Variants in DIP2C observed in about 807,000 individuals in gnomAD.
The protein encoded by DIP2C is DIP2 acetate--CoA ligase C (putative).
Under a neutral mutation model 192.4 loss-of-function variants are expected in DIP2C, and 33 were observed. The ratio of observed to expected loss-of-function variants is 0.17; its 90% CI spans 0.13 to 0.23. The LOEUF (loss-of-function observed/expected upper bound fraction) is 0.23, where lower values mean the gene tolerates loss of function less well. DIP2C is among the 10% of genes least tolerant of loss of function. The probability of loss-of-function intolerance (pLI) is 1.00; values close to 1 mark genes in which losing one functional copy is unlikely to be tolerated. For missense variants in DIP2C, 1,537 were observed against 2,110.1 expected (o/e 0.73, Z 5.32); for synonymous variants, 979 against 864.1 (o/e 1.13, Z -2.33).
chr10:611,155 T>C (rs1853074151), intron 1 of DIP2C, among the ~76,000 whole-genome samples: 1 of 151,974 alleles, frequency 6.6e-6, no homozygotes, highest in Non-Finnish European at 1.5e-5. Context: ...TCATGATAGT[T>C]CTCATGAGAT....
At chr10:432,984 C>T (rs1409093997) in intron 4 of DIP2C, among the ~76,000 whole-genome samples, 2 of 152,120 alleles carry the variant, frequency 1.3e-5, no homozygotes, top group Non-Finnish European at 2.9e-5. Flanking sequence ...AGAACATACT[C>T]GTTTAATTCC....
chr10:638,393 C>T (rs1200825984), intron 1 of DIP2C, among the ~76,000 whole-genome samples: 1 of 152,144 alleles, frequency 6.6e-6, no homozygotes, highest in East Asian at 1.9e-4. Context: ...TAAAGTGGCT[C>T]CTTCGTGCTG....
At chr10:581,739 C>A (rs1039570262) in intron 1 of DIP2C, among the ~76,000 whole-genome samples, 3 of 152,072 alleles carry the variant, frequency 2.0e-5, no homozygotes, top group Admixed American at 1.3e-4. Context: ...CAGTTCTACC[C>A]GGTTCTGCCC....
At position 440,985 on chromosome 10, in the gene DIP2C, C is replaced by G; in HGVS notation, c.280G>C (p.Glu94Gln). The change falls in exon 4 of 37, where the codon GAA becomes CAA. Residue 94 changes from glutamate (E) to glutamine (Q), a missense_variant. Physicochemically the swap from Glu to Gln is conservative, Grantham distance 29. This residue lies in a region of DIP2C where 473 missense variants were observed against 539.6 expected (regional missense o/e 0.88). Transcript: ENST00000280886. ...TTGGCCAGAGCCGCCTGGACAGCTT[C>G]CGTGTGGACGTCTGAAACGGAGAGA... The part of the protein sequence containing the change: ...DERYRSDVHT[E>Q]AVQAALAKHK... The G allele has an allele frequency of 6.2e-7, 1 of 1,613,036 alleles. No homozygotes were observed. The highest frequency in any genetic ancestry group is 8.5e-7 in the Non-Finnish European group (1 of 1,179,872).
At chr10:397,087 C>T (rs1055593124) in intron 10 of DIP2C, among the ~76,000 whole-genome samples, 3 of 152,204 alleles carry the variant, frequency 2.0e-5, no homozygotes, top group Non-Finnish European at 4.4e-5. Flanking sequence ...AAGAGATACC[C>T]ACGTGGCAGA....
intron 1 of DIP2C, among the ~76,000 whole-genome samples, chr10:577,083 C>G (rs753271288): frequency 2.0e-5 from 3 of 152,180 alleles, no homozygotes; most frequent in Non-Finnish European, 4.4e-5. Flanking sequence ...CATTTGAACA[C>G]ACCTCAAGTG....
At chr10:488,447 T>C (rs1359953520) in intron 1 of DIP2C, among the ~76,000 whole-genome samples, 1 of 152,196 alleles carries the variant, frequency 6.6e-6, no homozygotes, top group African/African-American at 2.4e-5. Context: ...GGTACTCACG[T>C]TCCTCACCCA....
chr10:562,021 A>G (rs1849246987), intron 1 of DIP2C, among the ~76,000 whole-genome samples: 1 of 152,226 alleles, frequency 6.6e-6, no homozygotes, highest in African/African-American at 2.4e-5. Context: ...TTCTAAAATA[A>G]TCAGCAAGCG....
chr10:544,408 A>AT (rs977948395), intron 1 of DIP2C, among the ~76,000 whole-genome samples: 7 of 152,288 alleles, frequency 4.6e-5, no homozygotes, highest in African/African-American at 1.7e-4. Context: ...CTTGCATAAG[A>AT]TTTTTTTGTA....
Position 436,770 on chromosome 10 carries a change from G to A in DIP2C, c.394+4101C>T, listed in dbSNP as rs7912864. Among the ~76,000 whole-genome samples the A allele has an allele frequency of 4.0e-3, 378 of 95,332 alleles. 12 individuals carry two copies. Among genetic ancestry groups the A allele is most frequent in the African/African-American group, 0.022 (257 of 11,538 alleles). The allele number at this position is 95,332 out of a possible 152,430, so 62.5% of individuals were successfully genotyped here. ...TGGACATGGTAGGGTGATATGCTCC[G>A]CCCACACCTGAGCTCTCTCTGAGCT... On this transcript the variant is annotated intron_variant, in intron 4 of 36. Transcript: ENST00000280886.
chr10:424,552 G>A (rs971634404), intron 4 of DIP2C, among the ~76,000 whole-genome samples: 1 of 151,928 alleles, frequency 6.6e-6, no homozygotes, highest in African/African-American at 2.4e-5. Flanking sequence ...TTTTAGTAGA[G>A]ATGGGGTTTC....
chr10:380,176 C>T (rs564769659), intron 17 of DIP2C, among the ~76,000 whole-genome samples: 1 of 150,494 alleles, frequency 6.6e-6, no homozygotes, highest in East Asian at 2.0e-4. Flanking sequence ...AGAGGCTGTC[C>T]CTGGAAAATG....
chr10:390,047 C>T lies in DIP2C; in HGVS notation c.1541G>A (p.Arg514Lys), dbSNP rs368223438. 8 of 1,614,058 alleles carry T rather than the reference C, an allele frequency of 5.0e-6. No homozygotes were observed. The highest frequency in any genetic ancestry group is 6.8e-6 in the Non-Finnish European group (8 of 1,180,022). The change falls in exon 13 of 37, where the codon AGG becomes AAG. Residue 514 changes from arginine (R) to lysine (K), a missense_variant. Coordinates refer to ENST00000280886, the MANE Select transcript of DIP2C (RefSeq NM_014974.3). ...CTGGCAGTGTGTCAGCAGCGCAGTC[C>T]TCGTCACCGTCACACCCAGCACACT... ...DGSVLGVTVT[R>K]TALLTHCQAL...
intron 1 of DIP2C, among the ~76,000 whole-genome samples, chr10:562,833 A>G (rs1021649073): frequency 6.6e-6 from 1 of 152,228 alleles, no homozygotes; most frequent in Non-Finnish European, 1.5e-5. Context: ...ATAACATCAA[A>G]CAACAGTGCA....
At chr10:499,320 G>A (rs1191585502) in intron 1 of DIP2C, among the ~76,000 whole-genome samples, 1 of 147,530 alleles carries the variant, frequency 6.8e-6, no homozygotes, top group Non-Finnish European at 1.5e-5. Flanking sequence ...GTGGACGGCT[G>A]GGCTCCCCCT....
At chr10:641,430 G>A (rs1028657290) in intron 1 of DIP2C, among the ~76,000 whole-genome samples, 1 of 152,310 alleles carries the variant, frequency 6.6e-6, no homozygotes, top group South Asian at 2.1e-4. Context: ...CTGCACTGCT[G>A]GGTTCCATGC....
At position 486,544 on chromosome 10, in the gene DIP2C, A is replaced by C; in HGVS notation, c.86-14T>G. The C allele has an allele frequency of 6.2e-7, 1 of 1,601,640 alleles. No individual in the cohort carries two copies. The highest frequency in any genetic ancestry group is 8.5e-7 in the Non-Finnish European group (1 of 1,174,436). ...GTGTGATGTCACCTGCAAGAGAAGG[A>C]AAATGAAGTTCAGTATGGTCTCCGT... On this transcript the variant is annotated splice_polypyrimidine_tract_variant and intron_variant, in intron 1 of 36. Transcript: ENST00000280886.
intron 3 of DIP2C, among the ~76,000 whole-genome samples, chr10:465,561 C>T (rs1431545878): frequency 1.1e-3 from 161 of 151,638 alleles, no homozygotes; most frequent in African/African-American, 2.7e-3. Context: ...GAGAAGGAAA[C>T]AAAGGGTATT....
chr10:281,374 C>A, intron 35 of DIP2C, 51 bp from the exon 36 acceptor site: 1 of 1,503,690 alleles, frequency 6.7e-7, no homozygotes, highest in Non-Finnish European at 9.0e-7. Flanking sequence ...CCGCTCAAGC[C>A]GTTTCCTTCT....
Sources: gnomAD v4.1 joint callset for allele counts (sites outside exome capture counted in the v4.1 genomes callset) on GRCh38, gnomAD v4.1.1 for gene constraint, gnomAD v4.1.1 regional missense constraint, MANE v1.5 for transcripts, NCBI Gene and HGNC (gene_info 2026-07-23, HGNC 2026-07-21) for gene names.